The following GSTT2B variants were observed in gnomAD, a reference collection of about 807,000 sequenced individuals.
The protein encoded by GSTT2B is glutathione S-transferase theta-2B.
Under a neutral mutation model 16.6 loss-of-function variants are expected in GSTT2B, and 4 were observed. That is an observed-to-expected ratio of 0.24 (90% CI 0.12 to 0.55). GSTT2B has a LOEUF of 0.55. GSTT2B is among the 20% of genes least tolerant of loss of function. GSTT2B has a pLI of 0.94. For missense variants in GSTT2B, 27 were observed against 266.1 expected (o/e 0.10, Z 6.25); for synonymous variants, 9 against 110.9 (o/e 0.08, Z 5.77).
intron 2 of GSTT2B, among the ~76,000 whole-genome samples, chr22:23,959,673 G>A (rs994873657): frequency 9.7e-6 from 1 of 103,462 alleles, no homozygotes; most frequent in Admixed American, 1.0e-4. Context: ...CGCCTCCTGG[G>A]TTCACGCCAT....
intron 2 of GSTT2B, 111 bp downstream of exon 2, chr22:23,960,183 C>G (rs1233662268): frequency 1.5e-6 from 2 of 1,325,968 alleles, no homozygotes; most frequent in Admixed American, 3.6e-5. Flanking sequence ...CGCCTTTCCC[C>G]TCCCTCGCTG....
In GSTT2B at chr22:23,960,319, C is replaced by T. The variant is rs1316606486; in HGVS notation, c.175G>A (p.Asp59Asn). The T allele has an allele frequency of 6.2e-7, 1 of 1,612,734 alleles. No homozygotes were observed. Among genetic ancestry groups the T allele is most frequent in the South Asian group, 1.1e-5 (1 of 91,012 alleles). The change falls in exon 2 of 5, where the codon GAT becomes AAT. Residue 59 changes from aspartate (D) to asparagine (N), a missense_variant. By Grantham distance (23) the Asp-to-Asn change is conservative. Coordinates refer to ENST00000290765, the MANE Select transcript of GSTT2B (RefSeq NM_001080843.4). ...NSLGKLPTLK[D>N]GDFILTESSA... The stretch of plus-strand genomic sequence containing the variant: ...CTTTCGGTCAAGATGAAATCACCAT[C>T]CTTGAGCGTCGGCAGTTTCCCCAGG...
intron 2 of GSTT2B, among the ~76,000 whole-genome samples, chr22:23,959,243 C>T (rs2033809748): frequency 8.0e-6 from 1 of 125,152 alleles, no homozygotes; most frequent in African/African-American, 3.0e-5. Context: ...TCCTGCCCAG[C>T]AGCTGGACCT....
chr22:23,960,244 C>T (rs1473410671), intron 2 of GSTT2B, 50 bp downstream of exon 2: 7 of 1,605,850 alleles, frequency 4.4e-6, no homozygotes, highest in Non-Finnish European at 5.1e-6. Flanking sequence ...TGGGGAGAGC[C>T]AAGGTCACAT....
chr22:23,960,230 C>T lies in GSTT2B; in HGVS notation c.200+64G>A. The T allele has an allele frequency of 1.9e-6, 3 of 1,585,910 alleles. No homozygotes were observed. In the South Asian group the frequency reaches 3.3e-5, roughly 18 times the overall value. ...ATGGGAGGGCCACTGGGGCCCGGGG[C>T]CAGTGGGGAGAGCCAAGGTCACATG... On this transcript the variant is annotated intron_variant, in intron 2 of 4. Coordinates refer to ENST00000290765, the MANE Select transcript of GSTT2B (RefSeq NM_001080843.4).
At position 23,959,768 on chromosome 22, in the gene GSTT2B, A is replaced by G. The variant is rs1221818283; in HGVS notation, c.200+526T>C. On this transcript the variant is annotated intron_variant, in intron 2 of 4. Transcript: ENST00000290765. ...AATGTTTTGTATTTTTAGTAGAGAC[A>G]GGGTTTCACCGTGTTACCCAGGATG... Among the ~76,000 whole-genome samples the G allele has an allele frequency of 5.0e-4, 48 of 95,960 alleles. 5 individuals are homozygous for G. Among genetic ancestry groups the G allele is most frequent in the Non-Finnish European group, 6.6e-4 (27 of 41,192 alleles). 63.0% of individuals were successfully genotyped at this position (95,960 alleles called of 152,430 possible). A position where few individuals can be genotyped will look rare whatever the true frequency, so the allele number is the denominator to read the frequency against.
intron 1 of GSTT2B, among the ~76,000 whole-genome samples, 190 bp downstream of exon 1, chr22:23,960,830 G>T (rs1443597991): frequency 1.4e-5 from 2 of 146,510 alleles, no homozygotes; most frequent in Non-Finnish European, 3.0e-5. Flanking sequence ...CTCCTTTTCA[G>T]AAGGCAAGCT....
chr22:23,960,423 G>A lies in GSTT2B; in HGVS notation c.113-42C>T, dbSNP rs773106459. The A allele has an allele frequency of 4.5e-5, 70 of 1,556,398 alleles. 1 individual carries two copies. In the East Asian group the frequency reaches 1.4e-3, roughly 32 times the overall value. On this transcript the variant is annotated intron_variant, in intron 1 of 4. Coordinates refer to ENST00000290765, the MANE Select transcript of GSTT2B (RefSeq NM_001080843.4). ...CAGAAAAGGTCTTCAGAATAAAAAC[G>A]CTGCACCTCTACACCCTCCCTCCTC...
chr22:23,960,255 G>A (rs1344276755), intron 2 of GSTT2B, 39 bp downstream of exon 2: 2 of 1,608,418 alleles, frequency 1.2e-6, no homozygotes, highest in East Asian at 4.5e-5. Flanking sequence ...AAGGTCACAT[G>A]GGCTCCGGAT....
At chr22:23,960,405 G>A in intron 1 of GSTT2B, 24 bp from the exon 2 acceptor site, 1 of 1,601,268 alleles carries the variant, frequency 6.2e-7, no homozygotes, top group South Asian at 1.1e-5. Context: ...AGTCAGAAAA[G>A]GTCTTCAGAA....
intron 1 of GSTT2B, 141 bp downstream of exon 1, chr22:23,960,878 AG>A (rs1391449520): frequency 1.4e-5 from 10 of 729,850 alleles, no homozygotes; most frequent in South Asian, 3.2e-5. Flanking sequence ...AAGGCCACTC[AG>A]TCCACAGCAT....
chr22:23,960,062 T>A (rs531077618), intron 2 of GSTT2B, among the ~76,000 whole-genome samples: 21 of 149,176 alleles, frequency 1.4e-4, no homozygotes, highest in African/African-American at 5.1e-4. Flanking sequence ...AGACGGTGTT[T>A]CACGGTGTTA....
chr22:23,960,428 A>C, intron 1 of GSTT2B, 47 bp from the exon 2 acceptor site: 1 of 1,532,258 alleles, frequency 6.5e-7, no homozygotes, highest in Non-Finnish European at 8.9e-7. Flanking sequence ...AAAACGCTGC[A>C]CCTCTACACC....
At chr22:23,958,856 C>T (rs1401327933) in intron 2 of GSTT2B, among the ~76,000 whole-genome samples, 155 bp from the exon 3 acceptor site, 215 of 36,258 alleles carry the variant, frequency 5.9e-3, no homozygotes, top group African/African-American at 0.02. Flanking sequence ...ACCACCCCCT[C>T]CTCCTACGAG....
chr22:23,960,098 CTCGT>C (rs1209333378), intron 2 of GSTT2B, among the ~76,000 whole-genome samples, 192 bp downstream of exon 2: 1 of 149,300 alleles, frequency 6.7e-6, no homozygotes, highest in Non-Finnish European at 1.5e-5. Flanking sequence ...GTCTCCTGAC[CTCGT>C]GATCCGCCCG....
chr22:23,958,218 TCA>T, intron 4 of GSTT2B, 65 bp downstream of exon 4: 2 of 685,628 alleles, frequency 2.9e-6, no homozygotes. Flanking sequence ...TCTCCAGGCC[TCA>T]GTGTTTCTGT....
intron 2 of GSTT2B, among the ~76,000 whole-genome samples, chr22:23,959,881 T>C (rs2033816718): frequency 2.8e-5 from 2 of 71,962 alleles, no homozygotes; most frequent in African/African-American, 4.4e-5. Flanking sequence ...CCGGCCTTTT[T>C]GAGACGGAGT....
chr22:23,960,285 G>A lies in GSTT2B; in HGVS notation c.200+9C>T. The A allele has an allele frequency of 6.2e-7, 1 of 1,612,914 alleles. No individual in the cohort carries two copies. The highest frequency in any genetic ancestry group is 8.5e-7 in the Non-Finnish European group (1 of 1,179,156). ...CCGGATGCGGTGAGGGGTGAGGGAA[G>A]GAGGGCACCTTTCGGTCAAGATGAA... On this transcript the variant is annotated intron_variant, in intron 2 of 4. Coordinates refer to ENST00000290765, the MANE Select transcript of GSTT2B (RefSeq NM_001080843.4).
Position 23,958,544 on chromosome 22 carries a change from TCCTC to T in GSTT2B, c.351+3_351+6del, listed in dbSNP as rs1354922011. ...TGGCCAATCACTCTCCAGATGGCTCTCCTCACCTGGACCCACAGGGGTATACCAA... is the reference window on the plus strand; with the variant it reads ...TGGCCAATCACTCTCCAGATGGCTCTACCTGGACCCACAGGGGTATACCAA... On this transcript the variant is annotated splice_donor_5th_base_variant and intron_variant, in intron 3 of 4. Transcript: ENST00000290765. 31 of 1,195,924 alleles carry T rather than the reference TCCTC, an allele frequency of 2.6e-5. No individual in the cohort carries two copies. The highest frequency in any genetic ancestry group is 3.4e-5 in the Non-Finnish European group (28 of 832,508). The allele number at this position is 1,195,924 out of a possible 1,614,324, so 74.1% of individuals were successfully genotyped here. A position where few individuals can be genotyped will look rare whatever the true frequency, so the allele number is the denominator to read the frequency against.
Sources: gnomAD v4.1 joint callset for allele counts (sites outside exome capture counted in the v4.1 genomes callset) on GRCh38, gnomAD v4.1.1 for gene constraint, MANE v1.5 for transcripts, NCBI Gene and HGNC (gene_info 2026-07-23, HGNC 2026-07-21) for gene names.